RP1: variants seen among roughly 807,000 people sequenced by gnomAD.
RP1 encodes oxygen-regulated protein 1.
In RP1, 16 loss-of-function variants were observed where a neutral mutation model predicts 14.8. The ratio of observed to expected loss-of-function variants is 1.08; its 90% CI spans 0.73 to 1.65. RP1 has a LOEUF of 1.65. Ranked by LOEUF, RP1 falls within the 40% of genes most tolerant of loss-of-function variation. The probability of loss-of-function intolerance (pLI) is 0.00; values close to 1 mark genes in which losing one functional copy is unlikely to be tolerated. For missense variants in RP1, 2,631 were observed against 2,535.0 expected (o/e 1.04, Z -0.81); for synonymous variants, 876 against 883.6 (o/e 0.99, Z 0.15).
chr8:54,750,417 A>G (rs970804703), intron 19 of RP1, among the ~76,000 whole-genome samples: 5 of 152,194 alleles, frequency 3.3e-5, no homozygotes, highest in Admixed American at 1.3e-4. Context: ...TTCTAGGCAC[A>G]AAAACCGCCC....
At chr8:54,708,439 C>G (rs1345914647) in intron 15 of RP1, among the ~76,000 whole-genome samples, 1 of 151,718 alleles carries the variant, frequency 6.6e-6, no homozygotes, top group Non-Finnish European at 1.5e-5. Context: ...TCACTGCAAG[C>G]TCCGCCTCCT....
chr8:54,567,391 T>G (rs1804432725), intron 1 of RP1, among the ~76,000 whole-genome samples: 1 of 152,200 alleles, frequency 6.6e-6, no homozygotes. Flanking sequence ...AAGGCTTTAT[T>G]TTTAAAGCAT....
chr8:54,586,108 T>C (rs1804914651), intron 1 of RP1, among the ~76,000 whole-genome samples: 1 of 152,190 alleles, frequency 6.6e-6, no homozygotes, highest in African/African-American at 2.4e-5. Context: ...CTGCTCTGTT[T>C]TTTCCCCATC....
At chr8:54,582,713 C>G (rs1804825580) in intron 1 of RP1, among the ~76,000 whole-genome samples, 1 of 152,004 alleles carries the variant, frequency 6.6e-6, no homozygotes, top group South Asian at 2.1e-4. Context: ...TGAAGAAGTC[C>G]TTCACATACC....
At chr8:54,646,598 T>G in intron 3 of RP1, among the ~76,000 whole-genome samples, 1 of 152,338 alleles carries the variant, frequency 6.6e-6, no homozygotes, top group South Asian at 2.1e-4. Context: ...GTTCATGATC[T>G]TTAGATTCTA....
intron 26 of RP1, among the ~76,000 whole-genome samples, chr8:54,853,220 G>A (rs1383930124): frequency 3.2e-4 from 48 of 152,162 alleles, no homozygotes; most frequent in Non-Finnish European, 2.9e-5. Flanking sequence ...GATTTAGGAG[G>A]CCTCATGGGG....
chr8:54,738,109 T>G (rs1235033988), intron 18 of RP1, among the ~76,000 whole-genome samples: 1 of 152,218 alleles, frequency 6.6e-6, no homozygotes, highest in Non-Finnish European at 1.5e-5. Context: ...GTGCCGTCAT[T>G]TTCATCTTCG....
chr8:54,817,105 T>C (rs552955731), intron 24 of RP1, among the ~76,000 whole-genome samples: 1 of 152,148 alleles, frequency 6.6e-6, no homozygotes, highest in Non-Finnish European at 1.5e-5. Context: ...GCTTTATTTC[T>C]CATTTGTGTT....
chr8:54,668,069 C>T (rs977961313), intron 7 of RP1, among the ~76,000 whole-genome samples: 2 of 152,126 alleles, frequency 1.3e-5, no homozygotes, highest in African/African-American at 2.4e-5. Context: ...CCCTGATGAA[C>T]ATCAATGCAA....
At chr8:54,669,970 A>T (rs1262840724) in intron 7 of RP1, among the ~76,000 whole-genome samples, 1 of 152,196 alleles carries the variant, frequency 6.6e-6, no homozygotes, top group Non-Finnish European at 1.5e-5. Context: ...TGGCACATGT[A>T]TACCTATGTA....
rs376019820 is a variant in RP1 at position 54,628,948 on chromosome 8, G to C, written c.5066G>C (p.Ser1689Thr). 6 of 1,613,998 alleles carry C rather than the reference G, an allele frequency of 3.7e-6. No homozygotes were observed. Among genetic ancestry groups the C allele is most frequent in the Non-Finnish European group, 5.1e-6 (6 of 1,179,966 alleles). ...GGCTCTTCTGAACAGGTATCTAGTA[G>C]TTCATCTATGTTGCAGGAATTCCAG... ...SFGSSEQVSS[S>T]SSMLQEFQEE... The change falls in exon 4 of 4, where the codon AGT (serine) becomes ACT (threonine). Residue 1689 changes from serine (S) to threonine (T), a missense_variant. Transcript: ENST00000220676.
intron 7 of RP1, chr8:54,663,925 C>G (rs1273864839): frequency 1.5e-6 from 2 of 1,331,832 alleles, no homozygotes; most frequent in East Asian, 2.6e-5. Context: ...ACTGTTGTAA[C>G]TATTCTAAGA....
chr8:54,756,677 C>G (rs765183620), intron 21 of RP1, among the ~76,000 whole-genome samples: 24 of 152,296 alleles, frequency 1.6e-4, no homozygotes, highest in Non-Finnish European at 2.8e-4. Context: ...GCTAAGTGAT[C>G]AGCGAAGTGA....
intron 1 of RP1, among the ~76,000 whole-genome samples, chr8:54,576,208 T>A (rs1277778740): frequency 6.6e-6 from 1 of 151,592 alleles, no homozygotes; most frequent in Non-Finnish European, 1.5e-5. Flanking sequence ...GCCCGGCTAA[T>A]TTTGTTTTAG....
chr8:54,674,300 T>A (rs1285366991), intron 8 of RP1, among the ~76,000 whole-genome samples: 1 of 152,122 alleles, frequency 6.6e-6, no homozygotes, highest in East Asian at 1.9e-4. Flanking sequence ...CTACTGATTG[T>A]CCAACAGCGG....
chr8:54,773,738 T>C (rs1404226789), downstream of RP1, among the ~76,000 whole-genome samples: 2 of 152,168 alleles, frequency 1.3e-5, no homozygotes, highest in Non-Finnish European at 2.9e-5. Context: ...AAAGAACTGA[T>C]ATTGGAACTT....
At chr8:54,607,895 G>C (rs547519388) in intron 1 of RP1, among the ~76,000 whole-genome samples, 2 of 152,264 alleles carry the variant, frequency 1.3e-5, no homozygotes, top group African/African-American at 4.8e-5. Flanking sequence ...CATTGGAAAA[G>C]TGCAGTATTA....
At chr8:54,665,855 T>C (rs1006527178) in intron 7 of RP1, among the ~76,000 whole-genome samples, 7 of 152,088 alleles carry the variant, frequency 4.6e-5, no homozygotes, top group Non-Finnish European at 8.8e-5. Context: ...ATGGAAATCG[T>C]TGGGAAACTT....
intron 25 of RP1, among the ~76,000 whole-genome samples, chr8:54,842,801 C>A (rs1011813286): frequency 1.3e-5 from 2 of 152,170 alleles, no homozygotes; most frequent in Non-Finnish European, 2.9e-5. Flanking sequence ...ACCTGCTGCC[C>A]CCAACTCCAG....
Sources: allele counts gnomAD v4.1 joint callset (sites outside exome capture counted in the v4.1 genomes callset), GRCh38; gene constraint gnomAD v4.1.1; transcripts MANE v1.5; gene names NCBI Gene and HGNC (gene_info 2026-07-23, HGNC 2026-07-21).